MTMR8: variants seen among roughly 807,000 people sequenced by gnomAD.
The protein encoded by MTMR8 is phosphatidylinositol-3,5-bisphosphate 3-phosphatase MTMR8.
In MTMR8, 65 loss-of-function variants were observed where a neutral mutation model predicts 39.3. The ratio of observed to expected loss-of-function variants is 1.65; its 90% CI spans 1.35 to 2.03. MTMR8 has a LOEUF of 2.03. Ranked by LOEUF, MTMR8 falls within the 30% of genes most tolerant of loss-of-function variation. The pLI is 0.00. For synonymous variants in MTMR8, 245 were observed against 185.2 expected, an observed-to-expected ratio of 1.32 and a Z score of -2.62; for missense variants, 777 against 538.9, an observed-to-expected ratio of 1.44 and a Z score of -4.37.
chrX:64,314,977 T>A (rs1922422306), intron 12 of MTMR8, among the ~76,000 whole-genome samples: 2 of 111,099 alleles, frequency 1.8e-5, no homozygotes, highest in Admixed American at 1.9e-4. Context: ...CTGGCCTGAG[T>A]GATGGACAAG....
intron 12 of MTMR8, among the ~76,000 whole-genome samples, chrX:64,277,009 CTTCT>C (rs937167035): frequency 1.8e-5 from 2 of 111,741 alleles, no homozygotes; most frequent in Non-Finnish European, 3.8e-5. Flanking sequence ...ATGTAATGCC[CTTCT>C]TTGTCTTTTT....
At chrX:64,285,811 G>A (rs1286201953) in intron 12 of MTMR8, among the ~76,000 whole-genome samples, 3 of 111,019 alleles carry the variant, frequency 2.7e-5, no homozygotes, top group East Asian at 5.6e-4. Flanking sequence ...GAATCTCTGG[G>A]ACACATTCAA....
chrX:64,285,099 T>A (rs757828272), intron 12 of MTMR8, among the ~76,000 whole-genome samples: 14 of 111,095 alleles, frequency 1.3e-4, no homozygotes, highest in East Asian at 5.6e-4. Flanking sequence ...AGAGACACAC[T>A]TAGGCTCAAA....
chrX:64,275,265 A>C (rs1186957486), intron 12 of MTMR8, among the ~76,000 whole-genome samples: 1 of 111,753 alleles, frequency 8.9e-6, no homozygotes, highest in Non-Finnish European at 1.9e-5. Context: ...CTAAAAAAGA[A>C]GAAAGATCTA....
intron 12 of MTMR8, among the ~76,000 whole-genome samples, chrX:64,317,004 C>T (rs991119253): frequency 1.2e-4 from 13 of 105,799 alleles, no homozygotes; most frequent in Admixed American, 6.2e-4. Context: ...CCCAGCTACT[C>T]GGGAGGCTGA....
At chrX:64,318,714 T>C (rs988775227) in intron 12 of MTMR8, among the ~76,000 whole-genome samples, 1 of 105,085 alleles carries the variant, frequency 9.5e-6, no homozygotes, top group Non-Finnish European at 2.0e-5. Flanking sequence ...TTTTGTTTTT[T>C]TTTTTTTTTT....
chrX:64,379,056 GAC>G (rs1274514888), intron 1 of MTMR8, among the ~76,000 whole-genome samples: 1 of 111,690 alleles, frequency 9.0e-6, no homozygotes, highest in Non-Finnish European at 1.9e-5. Flanking sequence ...TACATCAAAA[GAC>G]ACAGTCTACC....
At chrX:64,393,562 A>C (rs1924746484) in intron 1 of MTMR8, among the ~76,000 whole-genome samples, 2 of 112,179 alleles carry the variant, frequency 1.8e-5, no homozygotes, top group Non-Finnish European at 3.8e-5. Context: ...GAACTAGACA[A>C]GTAACGTGGC....
intron 12 of MTMR8, among the ~76,000 whole-genome samples, chrX:64,316,263 T>C (rs1288905718): frequency 1.8e-5 from 2 of 112,431 alleles, no homozygotes; most frequent in Non-Finnish European, 3.7e-5. Flanking sequence ...TTTAGAGAAC[T>C]TCCTTAAGTC....
In MTMR8 at chrX:64,292,777, C is replaced by T. The variant is rs191907554; in HGVS notation, c.1482-21704G>A. ...GACTATATATACAGAATGTATCTGGCAGGGAGCAAACTCCACCTAATAGGG... is the reference window on the plus strand; with the variant it reads ...GACTATATATACAGAATGTATCTGGTAGGGAGCAAACTCCACCTAATAGGG... On this transcript the variant is annotated intron_variant, in intron 12 of 13. Transcript: ENST00000374852. Among the ~76,000 whole-genome samples, 47 of 111,294 alleles carry T rather than the reference C, an allele frequency of 4.2e-4. No individual in the cohort carries two copies. In the Admixed American group the frequency reaches 4.4e-3, roughly 10 times the overall value.
At chrX:64,305,231 G>A (rs1259349763) in intron 12 of MTMR8, 2 of 163,843 alleles carry the variant, frequency 1.2e-5, no homozygotes, top group Non-Finnish European at 2.4e-5. Context: ...ATTTTCTCCA[G>A]TCCTCCACAT....
Position 64,285,564 on chromosome X carries a change from T to C in MTMR8, c.1482-14491A>G, listed in dbSNP as rs757212645. ...CACACCTATTCCAAAACTGACCACA[T>C]AGTTGGAAGTAAAACACTCCTCAGC... is the stretch of plus-strand genomic sequence containing the variant. On this transcript the variant is annotated intron_variant, in intron 12 of 13. Transcript: ENST00000374852. 3.2e-3 allele frequency among the ~76,000 whole-genome samples: 356 copies of C among 111,703 alleles called. 3 individuals carry two copies. The highest frequency in any genetic ancestry group is 0.011 in the African/African-American group (350 of 30,744).
intron 12 of MTMR8, among the ~76,000 whole-genome samples, chrX:64,322,675 G>T (rs1602130972): frequency 1.8e-5 from 2 of 112,289 alleles, no homozygotes; most frequent in East Asian, 5.7e-4. Context: ...TGCTCCAAGA[G>T]CCAGCAATAA....
chrX:64,294,111 T>C (rs1041855481), intron 12 of MTMR8, among the ~76,000 whole-genome samples: 67 of 111,970 alleles, frequency 6.0e-4, no homozygotes, highest in Non-Finnish European at 1.7e-4. Flanking sequence ...GTCAATCCTC[T>C]GGTATAGCCT....
intron 12 of MTMR8, chrX:64,306,177 T>A: frequency 3.3e-6 from 1 of 300,917 alleles, no homozygotes; most frequent in Non-Finnish European, 6.5e-6. Flanking sequence ...AATCTCTACA[T>A]CGGGAGGACC....
intron 12 of MTMR8, among the ~76,000 whole-genome samples, chrX:64,285,443 G>A (rs1406061880): frequency 1.8e-5 from 2 of 110,992 alleles, no homozygotes; most frequent in African/African-American, 6.6e-5. Context: ...GGATATCCAG[G>A]AACTGAATTC....
intron 12 of MTMR8, among the ~76,000 whole-genome samples, chrX:64,287,068 T>C (rs1362994503): frequency 6.3e-5 from 7 of 111,587 alleles, no homozygotes; most frequent in South Asian, 7.5e-4. Context: ...AAAACCCCAT[T>C]GTCTCAGCCC....
intron 12 of MTMR8, among the ~76,000 whole-genome samples, chrX:64,318,708 G>GTTTT (rs1209006743): frequency 3.6e-5 from 3 of 82,398 alleles, no homozygotes; most frequent in East Asian, 3.6e-4. Context: ...TTGGTTTTTT[G>GTTTT]TTTTTTTTTT....
chrX:64,299,565 G>C (rs1921762516), intron 12 of MTMR8, among the ~76,000 whole-genome samples: 1 of 77,520 alleles, frequency 1.3e-5, no homozygotes, highest in Non-Finnish European at 2.4e-5. Flanking sequence ...AGGGTTTTTT[G>C]TGTCTCTATT....
Sources: gnomAD v4.1 joint callset for allele counts (sites outside exome capture counted in the v4.1 genomes callset) on GRCh38, gnomAD v4.1.1 for gene constraint, MANE v1.5 for transcripts, NCBI Gene and HGNC (gene_info 2026-07-23, HGNC 2026-07-21) for gene names.